The following CCDC171 variants were observed in gnomAD, a reference collection of about 807,000 sequenced individuals.
The protein encoded by CCDC171 is coiled-coil domain containing 171, also known as coiled-coil domain-containing protein 171.
Under a neutral mutation model 168.2 loss-of-function variants are expected in CCDC171, and 177 were observed. The ratio of observed to expected loss-of-function variants is 1.05; its 90% confidence interval spans 0.93 to 1.19. The LOEUF (loss-of-function observed/expected upper bound fraction) is 1.19. Ranked by LOEUF, CCDC171 falls within the 50% of genes most tolerant of loss-of-function variation. The pLI, the probability that CCDC171 is intolerant of heterozygous loss-of-function variation, is 0.00. For missense variants in CCDC171, 1,991 were observed against 1,539.0 expected (o/e 1.29, Z -4.91); for synonymous variants, 687 against 540.8 (o/e 1.27, Z -3.75).
rs536318713 is a variant in CCDC171, at chr9:15,598,860, T to C, written c.675+4688T>C. Among the ~76,000 whole-genome samples the C allele has an allele frequency of 9.2e-5, 14 of 152,314 alleles. No individual in the cohort carries two copies. The East Asian group carries it at 2.1e-3, about 23-fold the overall frequency. ...GTATTGGGTGCATATATATTTAGGA[T>C]AGTTAGCTCTTCTTGTTGAATTGAT... On this transcript the variant is annotated intron_variant, in intron 6 of 25. Transcript: ENST00000380701.
chr9:15,891,411 AC>A (rs1363832573), intron 24 of CCDC171, among the ~76,000 whole-genome samples: 2 of 152,176 alleles, frequency 1.3e-5, no homozygotes, highest in East Asian at 3.8e-4. Flanking sequence ...TTTATATTGA[AC>A]CCCAAAAGGT....
At chr9:15,673,777 G>A (rs780073369) in intron 9 of CCDC171, among the ~76,000 whole-genome samples, 1 of 152,098 alleles carries the variant, frequency 6.6e-6, no homozygotes, top group Non-Finnish European at 1.5e-5. Flanking sequence ...TTTTCGCATC[G>A]ATGTTCGTCA....
chr9:15,963,630 CT>C (rs2132675690), intron 25 of CCDC171, among the ~76,000 whole-genome samples: 1 of 152,260 alleles, frequency 6.6e-6, no homozygotes, highest in South Asian at 2.1e-4. Context: ...GAAAAGTCAT[CT>C]TTAATTGGGA....
chr9:15,607,165 C>T (rs1180760455), intron 6 of CCDC171, among the ~76,000 whole-genome samples: 1 of 152,096 alleles, frequency 6.6e-6, no homozygotes, highest in Non-Finnish European at 1.5e-5. Context: ...ATACTCAATG[C>T]CCAATATAAC....
intron 21 of CCDC171, among the ~76,000 whole-genome samples, chr9:15,840,029 A>G (rs1398459472): frequency 6.6e-6 from 1 of 152,150 alleles, no homozygotes; most frequent in Non-Finnish European, 1.5e-5. Flanking sequence ...ACTTTTATTA[A>G]AAGTAGTTAA....
At chr9:15,691,546 TTATATATA>T (rs55892512) in intron 10 of CCDC171, among the ~76,000 whole-genome samples, 1 of 106,406 alleles carries the variant, frequency 9.4e-6, no homozygotes, top group Admixed American at 9.6e-5. Flanking sequence ...TATATGTTTT[TTATATATA>T]TATATATATA....
chr9:15,562,703 T>C (rs1262769912), intron 1 of CCDC171, among the ~76,000 whole-genome samples: 1 of 152,212 alleles, frequency 6.6e-6, no homozygotes, highest in Non-Finnish European at 1.5e-5. Flanking sequence ...TCTGCATATG[T>C]GTATTTAAGC....
rs562726843 is a variant in CCDC171, at chr9:15,818,016, C to A, written c.3268-28686C>A. Among the ~76,000 whole-genome samples, 2 of 117,176 alleles carry A rather than the reference C, an allele frequency of 1.7e-5. 1 individual carries two copies. The highest frequency in any genetic ancestry group is 6.4e-5 in the African/African-American group (2 of 31,244). 76.9% of individuals were successfully genotyped at this position (117,176 alleles called of 152,430 possible). ...CAAAACTTCCAGAGGAACGATCAGG[C>A]AGCAGCATTTGCGGTTCACTAACAT... On this transcript the variant is annotated intron_variant, in intron 21 of 25. Transcript: ENST00000380701.
chr9:15,709,850 T>C lies in CCDC171; in HGVS notation c.1319-11919T>C, dbSNP rs368365482. Among the ~76,000 whole-genome samples, 36 of 152,292 alleles carry C rather than the reference T, an allele frequency of 2.4e-4. No individual in the cohort carries two copies. The East Asian group carries it at 4.8e-3, about 20-fold the overall frequency. On this transcript the variant is annotated intron_variant, in intron 11 of 25. Coordinates refer to ENST00000380701, the MANE Select transcript of CCDC171 (RefSeq NM_173550.4). Reference sequence around the variant, plus strand: ...GTAATTAATTGCATATCTTTTTTTATGAAAAATTTCAAATATGTACAAAAG... The same window carrying C: ...GTAATTAATTGCATATCTTTTTTTACGAAAAATTTCAAATATGTACAAAAG...
chr9:15,938,817 C>T (rs751443788), intron 25 of CCDC171, among the ~76,000 whole-genome samples: 21 of 151,940 alleles, frequency 1.4e-4, no homozygotes, highest in Non-Finnish European at 2.5e-4. Context: ...GCTAAGGTTA[C>T]AGGACTTTAT....
At chr9:15,884,420 T>C (rs1461777291) in intron 24 of CCDC171, among the ~76,000 whole-genome samples, 1 of 152,194 alleles carries the variant, frequency 6.6e-6, no homozygotes, top group East Asian at 1.9e-4. Context: ...GTTAATATTT[T>C]TACCCCTTTA....
intron 23 of CCDC171, among the ~76,000 whole-genome samples, chr9:15,867,131 C>G (rs2061822630): frequency 6.6e-6 from 1 of 151,984 alleles, no homozygotes; most frequent in Non-Finnish European, 1.5e-5. Context: ...AATGTAATGA[C>G]TAGTTTGATT....
At chr9:16,003,975 C>A (rs181253655) in intron 3 of CCDC171, among the ~76,000 whole-genome samples, 76 of 152,324 alleles carry the variant, frequency 5.0e-4, no homozygotes, top group African/African-American at 1.8e-3. Flanking sequence ...ACAAGCACCC[C>A]ACAGGGACTG....
At chr9:15,695,426 C>T (rs903225766) in intron 11 of CCDC171, 89 bp downstream of exon 11, 14 of 873,910 alleles carry the variant, frequency 1.6e-5, no homozygotes, top group Non-Finnish European at 2.7e-5. Context: ...TCTTGTAGTC[C>T]CTCATCTCAA....
At chr9:15,934,389 CAAA>C (rs71304892) in intron 25 of CCDC171, among the ~76,000 whole-genome samples, 18 of 114,276 alleles carry the variant, frequency 1.6e-4, no homozygotes, top group Non-Finnish European at 1.9e-4. Context: ...GACCCTGTCT[CAAA>C]AAAAAAAAAA....
rs1170571261 is a variant in CCDC171 at position 15,556,358 on chromosome 9, G to A, written c.-112+3056G>A. 7.9e-5 allele frequency among the ~76,000 whole-genome samples: 12 copies of A among 152,022 alleles called. 1 individual carries two copies. The highest frequency in any genetic ancestry group is 1.6e-4 in the Non-Finnish European group (11 of 67,972). On this transcript the variant is annotated intron_variant, in intron 1 of 25. Coordinates refer to ENST00000380701, the MANE Select transcript of CCDC171 (RefSeq NM_173550.4). ...TGAACTAGTTTACAGTCCCACCAAC[G>A]GTGTAAAAGTGTTCCTATTTCTCCA...
the CCDC171 span, among the ~76,000 whole-genome samples, chr9:16,084,695 C>A: frequency 1.2e-4 from 19 of 152,284 alleles, 1 homozygote; most frequent in African/African-American, 4.6e-4. Flanking sequence ...CCCCAGGAAG[C>A]AGGCCTGAGA....
At chr9:15,668,449 ATTAG>A (rs566189930) in intron 9 of CCDC171, among the ~76,000 whole-genome samples, 1 of 152,208 alleles carries the variant, frequency 6.6e-6, no homozygotes, top group Non-Finnish European at 1.5e-5. Flanking sequence ...AATTCTAAAC[ATTAG>A]TTACATATTC....
At chr9:15,982,342 C>T (rs1199980914) in intron 3 of CCDC171, among the ~76,000 whole-genome samples, 5 of 152,250 alleles carry the variant, frequency 3.3e-5, no homozygotes, top group East Asian at 3.9e-4. Flanking sequence ...AGTTATTTAA[C>T]CTCGTGAACC....
Sources: allele counts gnomAD v4.1 joint callset (sites outside exome capture counted in the v4.1 genomes callset), GRCh38; gene constraint gnomAD v4.1.1; transcripts MANE v1.5; gene names NCBI Gene and HGNC (gene_info 2026-07-23, HGNC 2026-07-21).